MLLT3: variants seen among roughly 807,000 people sequenced by gnomAD.
The protein encoded by MLLT3 is protein AF-9.
In MLLT3, 4 loss-of-function variants were observed where a neutral mutation model predicts 53.2. That is an observed-to-expected ratio of 0.08 (90% CI 0.04 to 0.17). The LOEUF (loss-of-function observed/expected upper bound fraction) is 0.17, where lower values mean the gene tolerates loss of function less well. Ranked by LOEUF, MLLT3 falls within the 10% of genes least tolerant of loss-of-function variation. MLLT3 has a pLI of 1.00. For missense variants in MLLT3, 569 were observed against 684.0 expected, an observed-to-expected ratio of 0.83 and a Z score of 1.87; for synonymous variants, 283 against 230.6, an observed-to-expected ratio of 1.23 and a Z score of -2.06.
At chr9:20,382,641 C>T (rs931124178) in intron 5 of MLLT3, among the ~76,000 whole-genome samples, 1 of 151,888 alleles carries the variant, frequency 6.6e-6, no homozygotes, top group Non-Finnish European at 1.5e-5. Context: ...GTTTTAGAAA[C>T]TAGCTTCTCC....
chr9:20,381,237 T>C (rs1427522687), intron 5 of MLLT3, among the ~76,000 whole-genome samples: 1 of 151,950 alleles, frequency 6.6e-6, no homozygotes, highest in Non-Finnish European at 1.5e-5. Context: ...GGGATTAGCA[T>C]TCATATACAA....
At chr9:20,423,141 C>T (rs1220990173) in intron 4 of MLLT3, among the ~76,000 whole-genome samples, 1 of 152,132 alleles carries the variant, frequency 6.6e-6, no homozygotes, top group Non-Finnish European at 1.5e-5. Flanking sequence ...AGTGATCCTC[C>T]TTCCTCACCC....
intron 2 of MLLT3, among the ~76,000 whole-genome samples, chr9:20,521,130 G>C (rs1818046747): frequency 6.6e-6 from 1 of 151,476 alleles, no homozygotes; most frequent in African/African-American, 2.4e-5. Flanking sequence ...GGAGCACAAT[G>C]GGCGATCTCG....
intron 2 of MLLT3, among the ~76,000 whole-genome samples, chr9:20,616,600 T>A (rs978753880): frequency 4.6e-5 from 7 of 152,158 alleles, no homozygotes; most frequent in Non-Finnish European, 7.4e-5. Flanking sequence ...TTTACAGACA[T>A]ACACTTGTAT....
At chr9:20,614,178 T>TGAG (rs1180775813) in intron 2 of MLLT3, among the ~76,000 whole-genome samples, 1 of 152,176 alleles carries the variant, frequency 6.6e-6, no homozygotes, top group African/African-American at 2.4e-5. Context: ...GAGGATCACC[T>TGAG]GAGGTCAGGA....
intron 2 of MLLT3, among the ~76,000 whole-genome samples, chr9:20,576,932 C>A (rs560736020): frequency 1.3e-5 from 2 of 152,134 alleles, no homozygotes; most frequent in African/African-American, 4.8e-5. Context: ...CCTGAGCCCA[C>A]GAGTTTGGGA....
chr9:20,385,852 T>C (rs1424821871), intron 5 of MLLT3, among the ~76,000 whole-genome samples: 1 of 152,204 alleles, frequency 6.6e-6, no homozygotes, highest in Non-Finnish European at 1.5e-5. Context: ...CTTAAGACCA[T>C]TATGAAATGA....
intron 2 of MLLT3, among the ~76,000 whole-genome samples, chr9:20,532,289 T>C (rs989042983): frequency 1.4e-5 from 2 of 146,800 alleles, no homozygotes; most frequent in Non-Finnish European, 3.0e-5. Flanking sequence ...AAATACATTA[T>C]GGAAAAATGT....
Position 20,343,651 on chromosome 9 carries a change from A to T in MLLT3, c.*2792T>A, listed in dbSNP as rs1448868571. On this transcript the variant is annotated 3_prime_UTR_variant, in exon 11 of 11. Coordinates refer to ENST00000380338, the MANE Select transcript of MLLT3 (RefSeq NM_004529.4). ...GCTGATCACTGAGGAAAAATTTTTT[A>T]AAAGTTTATCATACTCTGGCTGGTT... 8.8e-6 allele frequency: 2 copies of T among 226,866 alleles called. No individual in the cohort carries two copies. The highest frequency in any genetic ancestry group is 1.8e-5 in the Non-Finnish European group (2 of 114,060). 14.1% of individuals were successfully genotyped at this position (226,866 alleles called of 1,614,324 possible).
intron 2 of MLLT3, among the ~76,000 whole-genome samples, chr9:20,610,728 G>A (rs114609599): frequency 0.014 from 2,157 of 152,208 alleles, 47 homozygotes; most frequent in African/African-American, 0.047. Context: ...CATATACAAA[G>A]AGAAGGGAGT....
At chr9:20,584,084 T>G (rs1053664841) in intron 2 of MLLT3, among the ~76,000 whole-genome samples, 1 of 152,152 alleles carries the variant, frequency 6.6e-6, no homozygotes, top group African/African-American at 2.4e-5. Context: ...GCTTAGAAAT[T>G]TTTTCTGCCA....
chr9:20,424,807 G>A (rs1173693586), intron 4 of MLLT3, among the ~76,000 whole-genome samples: 1 of 152,066 alleles, frequency 6.6e-6, no homozygotes, highest in African/African-American at 2.4e-5. Flanking sequence ...AGTAAAATGA[G>A]GACCATAATA....
chr9:20,479,951 C>G (rs1448940767), intron 2 of MLLT3, among the ~76,000 whole-genome samples: 1 of 152,196 alleles, frequency 6.6e-6, no homozygotes, highest in Non-Finnish European at 1.5e-5. Flanking sequence ...AATGTCCATG[C>G]TCTGAACCAT....
chr9:20,449,646 A>G (rs1247787233), intron 3 of MLLT3, among the ~76,000 whole-genome samples: 1 of 152,168 alleles, frequency 6.6e-6, no homozygotes, highest in Non-Finnish European at 1.5e-5. Context: ...CTCTCCGAAT[A>G]TAGGAATTAA....
rs568452165 is a variant in MLLT3 at position 20,415,810 on chromosome 9, T to A, written c.421-1385A>T. 2.6e-5 allele frequency among the ~76,000 whole-genome samples: 4 copies of A among 152,116 alleles called. 1 individual carries two copies. Among genetic ancestry groups the A allele is most frequent in the African/African-American group, 9.6e-5 (4 of 41,524 alleles). Reference sequence around the variant, plus strand: ...ATATATATAGGTACATGTATAAGCATCACAAAGTAATATCCAAATGAAAAC... The same window carrying A: ...ATATATATAGGTACATGTATAAGCAACACAAAGTAATATCCAAATGAAAAC... On this transcript the variant is annotated intron_variant, in intron 4 of 10. Coordinates refer to ENST00000380338, the MANE Select transcript of MLLT3 (RefSeq NM_004529.4).
At chr9:20,382,578 C>T (rs1349555510) in intron 5 of MLLT3, 1 of 151,832 alleles carries the variant, frequency 6.6e-6, no homozygotes, top group East Asian at 1.9e-4. Flanking sequence ...CCCAATTGCT[C>T]ATTCATCTAA....
chr9:20,535,652 G>A (rs1161695344), intron 2 of MLLT3, among the ~76,000 whole-genome samples: 2 of 152,152 alleles, frequency 1.3e-5, no homozygotes, highest in East Asian at 1.9e-4. Flanking sequence ...AGGAGCACAC[G>A]TTTAGGATTA....
chr9:20,486,377 G>A (rs1456483873), intron 2 of MLLT3, among the ~76,000 whole-genome samples: 1 of 152,026 alleles, frequency 6.6e-6, no homozygotes. Flanking sequence ...ACTTTACTGA[G>A]AGATATAAAA....
At chr9:20,607,209 T>A (rs1820593042) in intron 2 of MLLT3, among the ~76,000 whole-genome samples, 1 of 152,156 alleles carries the variant, frequency 6.6e-6, no homozygotes, top group African/African-American at 2.4e-5. Context: ...ACTTGGTGTC[T>A]GGGGTATTTG....
Sources: allele counts gnomAD v4.1 joint callset (sites outside exome capture counted in the v4.1 genomes callset), GRCh38; gene constraint gnomAD v4.1.1; transcripts MANE v1.5; gene names NCBI Gene and HGNC (gene_info 2026-07-23, HGNC 2026-07-21).